The following DNER variants were observed in gnomAD, a reference collection of about 807,000 sequenced individuals.
DNER encodes delta/notch like EGF repeat containing.
Under a neutral mutation model 78.2 loss-of-function variants are expected in DNER, and 33 were observed. That is an observed-to-expected ratio of 0.42 (90% CI 0.32 to 0.56). DNER has a LOEUF of 0.56. Among genes scored for constraint, DNER ranks in the 20% least tolerant of loss-of-function variants. The pLI is 0.11. For missense variants in DNER, 918 were observed against 975.3 expected (o/e 0.94, Z 0.78); for synonymous variants, 417 against 384.8 (o/e 1.08, Z -0.98).
chr2:229,598,261 C>T (rs1017397578), intron 1 of DNER, among the ~76,000 whole-genome samples: 2 of 152,232 alleles, frequency 1.3e-5, no homozygotes, highest in Non-Finnish European at 2.9e-5. Context: ...AATGTATGGG[C>T]TTCAGCCCTG....
chr2:229,360,876 T>A (rs1234461975), intron 12 of DNER, among the ~76,000 whole-genome samples: 1 of 152,182 alleles, frequency 6.6e-6, no homozygotes, highest in Non-Finnish European at 1.5e-5. Context: ...GTATGGGTCA[T>A]AAAGTATAAT....
intron 6 of DNER, among the ~76,000 whole-genome samples, chr2:229,493,964 A>G (rs537575974): frequency 5.9e-5 from 9 of 152,304 alleles, no homozygotes; most frequent in Non-Finnish European, 1.2e-4. Context: ...GGCAGACAGT[A>G]TCAGGTTTGT....
At chr2:229,594,594 A>C (rs55784527) in intron 1 of DNER, among the ~76,000 whole-genome samples, 127,460 of 151,220 alleles carry the variant, frequency 0.84, 54,721 homozygotes, top group East Asian at 0.95. Context: ...CTCAAAAAAA[A>C]AAAACAAAAC....
chr2:229,436,926 G>A (rs1408043804), intron 8 of DNER, among the ~76,000 whole-genome samples: 1 of 152,192 alleles, frequency 6.6e-6, no homozygotes, highest in East Asian at 1.9e-4. Context: ...CATGGTGACA[G>A]GATCACATCC....
intron 1 of DNER, among the ~76,000 whole-genome samples, chr2:229,649,714 C>T (rs535362927): frequency 2.0e-5 from 3 of 152,272 alleles, no homozygotes; most frequent in Non-Finnish European, 2.9e-5. Context: ...GGTCATTAGA[C>T]TTTATATACA....
intron 5 of DNER, among the ~76,000 whole-genome samples, chr2:229,533,710 C>A (rs1360569985): frequency 1.3e-5 from 2 of 151,716 alleles, no homozygotes; most frequent in Non-Finnish European, 2.9e-5. Context: ...CCTTTCTCCT[C>A]AAAAAAAATG....
intron 1 of DNER, among the ~76,000 whole-genome samples, chr2:229,643,938 A>C (rs538820640): frequency 1.3e-5 from 2 of 152,238 alleles, no homozygotes; most frequent in East Asian, 3.9e-4. Context: ...AAGAACCTTG[A>C]AGGGTAAGAA....
At chr2:229,661,064 G>T (rs1365284955) in intron 1 of DNER, among the ~76,000 whole-genome samples, 1 of 152,134 alleles carries the variant, frequency 6.6e-6, no homozygotes, top group Non-Finnish European at 1.5e-5. Flanking sequence ...CCTACCTGCT[G>T]CTCAAATGTA....
At chr2:229,548,484 T>G (rs1217034463) in intron 4 of DNER, among the ~76,000 whole-genome samples, 1 of 151,884 alleles carries the variant, frequency 6.6e-6, no homozygotes, top group Admixed American at 6.6e-5. Context: ...CAGCAAACTA[T>G]CACAAGATCA....
chr2:229,618,564 C>T (rs1007744888), intron 1 of DNER, among the ~76,000 whole-genome samples: 2 of 152,124 alleles, frequency 1.3e-5, no homozygotes, highest in Non-Finnish European at 2.9e-5. Context: ...GCTGGTGCCC[C>T]GGACGCACAG....
intron 1 of DNER, among the ~76,000 whole-genome samples, chr2:229,713,757 G>A (rs1308777814): frequency 6.6e-6 from 1 of 152,238 alleles, no homozygotes; most frequent in East Asian, 1.9e-4. Flanking sequence ...CCTGGACATT[G>A]AACACCTCGC....
intron 1 of DNER, among the ~76,000 whole-genome samples, chr2:229,695,972 T>A (rs1699657391): frequency 1.3e-5 from 2 of 152,150 alleles, no homozygotes; most frequent in Admixed American, 1.3e-4. Flanking sequence ...ATCTGTGCAT[T>A]AGGAGACAAA....
rs1240959714 is a variant in DNER, at chr2:229,366,951, G to A, written c.2024C>T (p.Pro675Leu). 6.2e-7 allele frequency: 1 copy of A among 1,614,160 alleles called. No homozygotes were observed. Among genetic ancestry groups the A allele is most frequent in the East Asian group, 2.2e-5 (1 of 44,872 alleles). Residue 675 changes from proline to leucine, a missense_variant, in exon 12 of 13, where the codon CCA (proline) becomes CTA (leucine). By Grantham distance (98) the Pro-to-Leu change is moderately conservative. Transcript: ENST00000341772. ...SRIEYQGSSR[P>L]AYEEFYNCRS... The stretch of plus-strand genomic sequence containing the variant: ...GCAGTTGTAGAACTCCTCATAGGCT[G>A]GCCTGGAAGAACCCTGGTATTCAAT...
rs576641330 is a variant in DNER, at chr2:229,710,848, G to A, written c.276+3300C>T. ...GTTTACAAAGAAAGAAATGTCACAG[G>A]TGCTCAGTGATTTACAGCACTTAAT... On this transcript the variant is annotated intron_variant, in intron 1 of 12. Coordinates refer to ENST00000341772, the MANE Select transcript of DNER (RefSeq NM_139072.4). 1.7e-3 allele frequency among the ~76,000 whole-genome samples: 266 copies of A among 152,154 alleles called. 5 individuals carry two copies. Among genetic ancestry groups the A allele is most frequent in the Non-Finnish European group, 3.4e-4 (23 of 68,002 alleles).
intron 1 of DNER, among the ~76,000 whole-genome samples, chr2:229,696,256 G>C (rs184518190): frequency 1.8e-4 from 27 of 152,302 alleles, no homozygotes; most frequent in African/African-American, 6.3e-4. Flanking sequence ...CAACCCACAT[G>C]AGCTAGTTTC....
intron 4 of DNER, among the ~76,000 whole-genome samples, chr2:229,566,995 A>G (rs1697122395): frequency 6.6e-6 from 1 of 152,024 alleles, no homozygotes; most frequent in Non-Finnish European, 1.5e-5. Context: ...TCTTCACCAC[A>G]TCTCCACCAC....
At chr2:229,540,881 C>T (rs1334144057) in intron 5 of DNER, among the ~76,000 whole-genome samples, 1 of 152,196 alleles carries the variant, frequency 6.6e-6, no homozygotes, top group Admixed American at 6.5e-5. Context: ...TGGTGGGTTC[C>T]TAAGGCAAGA....
chr2:229,498,411 A>G (rs1695544425), intron 6 of DNER, among the ~76,000 whole-genome samples: 1 of 152,176 alleles, frequency 6.6e-6, no homozygotes, highest in African/African-American at 2.4e-5. Context: ...ATAACTTAAT[A>G]TACTAGCCAG....
At chr2:229,621,083 G>A (rs1195454434) in intron 1 of DNER, among the ~76,000 whole-genome samples, 1 of 152,208 alleles carries the variant, frequency 6.6e-6, no homozygotes. Flanking sequence ...GTTTCTGCGT[G>A]TTTCCAAGAG....
Sources: allele counts gnomAD v4.1 joint callset (sites outside exome capture counted in the v4.1 genomes callset), GRCh38; gene constraint gnomAD v4.1.1; transcripts MANE v1.5; gene names NCBI Gene and HGNC (gene_info 2026-07-23, HGNC 2026-07-21).